LINGO1: variants seen among roughly 807,000 people sequenced by gnomAD.
LINGO1 encodes the protein leucine rich repeat and Ig domain containing 1, also known as leucine-rich repeat and immunoglobulin-like domain-containing nogo receptor-interacting protein 1.
LINGO1 carries 11 observed loss-of-function variants against 37.3 expected under a neutral mutation model. The ratio of observed to expected loss-of-function variants is 0.29; its 90% CI spans 0.19 to 0.49. The LOEUF (loss-of-function observed/expected upper bound fraction) is 0.49, where lower values mean the gene tolerates loss of function less well. Among genes scored for constraint, LINGO1 ranks in the 20% least tolerant of loss-of-function variants. LINGO1 has a pLI of 0.99. For synonymous variants in LINGO1, 387 were observed against 403.0 expected, an observed-to-expected ratio of 0.96 and a Z score of 0.48; for missense variants, 585 against 878.2, an observed-to-expected ratio of 0.67 and a Z score of 4.22.
intron 1 of LINGO1, among the ~76,000 whole-genome samples, chr15:77,784,071 A>T (rs1209712478): frequency 6.6e-6 from 1 of 152,236 alleles, no homozygotes; most frequent in Non-Finnish European, 1.5e-5. Context: ...CAGCTGCCCA[A>T]GCCTGGGACA....
rs1281125757 is a variant in LINGO1, at chr15:77,632,548, G to A, written c.-233C>T. The A allele has an allele frequency of 4.2e-6, 1 of 238,206 alleles. No homozygotes were observed. Among genetic ancestry groups the A allele is most frequent in the Non-Finnish European group, 7.8e-6 (1 of 127,842 alleles). The allele number at this position is 238,206 out of a possible 1,614,324, so 14.8% of individuals were successfully genotyped here. On this transcript the variant is annotated 5_prime_UTR_variant, in exon 1 of 2. Transcript: ENST00000355300. This position sits in a 1 kb window ranked among gnomAD's most constrained non-coding sequence, Gnocchi z 6.0. ...CTCGGGAGTGGGGAGGCGGGAGGCC[G>A]CGGCCCCGGCGGGCGGATGGGCGGG...
intron 3 of LINGO1, chr15:77,649,127 CAT>C (rs1338411330): frequency 6.6e-6 from 1 of 152,254 alleles, no homozygotes; most frequent in Non-Finnish European, 1.5e-5. Context: ...GTGGTAGTGA[CAT>C]AGGCTAGCAG....
At position 77,613,916 on chromosome 15, in the gene LINGO1, CG is replaced by C; in HGVS notation, c.*127del. The C allele has an allele frequency of 1.3e-6, 1 of 794,916 alleles. No homozygotes were observed. The highest frequency in any genetic ancestry group is 1.9e-6 in the Non-Finnish European group (1 of 514,632). The allele number at this position is 794,916 out of a possible 1,614,324, so 49.2% of individuals were successfully genotyped here. ...GGCGGGGGGCAGCAGGGGACGGAGGCGGGAGGGAGAAAGAGAACGTGTGTAG... is the reference window on the plus strand; with the variant it reads ...GGCGGGGGGCAGCAGGGGACGGAGGCGGAGGGAGAAAGAGAACGTGTGTAG... On this transcript the variant is annotated 3_prime_UTR_variant, in exon 2 of 2. Coordinates refer to ENST00000355300, the MANE Select transcript of LINGO1 (RefSeq NM_032808.7).
At chr15:77,769,356 G>A (rs2076561017) in intron 1 of LINGO1, among the ~76,000 whole-genome samples, 1 of 152,170 alleles carries the variant, frequency 6.6e-6, no homozygotes, top group Admixed American at 6.5e-5. Flanking sequence ...CCTACCCACA[G>A]TAATTAGCTT....
chr15:77,748,629 A>G (rs2076338526), intron 1 of LINGO1, among the ~76,000 whole-genome samples: 2 of 152,164 alleles, frequency 1.3e-5, no homozygotes, highest in African/African-American at 4.8e-5. Flanking sequence ...TTTCCTCCCC[A>G]CAACTCTGCT....
intron 1 of LINGO1, among the ~76,000 whole-genome samples, chr15:77,786,705 C>A (rs1446938342): frequency 6.6e-6 from 1 of 152,214 alleles, no homozygotes; most frequent in Non-Finnish European, 1.5e-5. Context: ...ACTACTGGGG[C>A]AGCCTGTACT....
At chr15:77,668,413 G>A (rs80090456) in intron 3 of LINGO1, among the ~76,000 whole-genome samples, 2 of 152,134 alleles carry the variant, frequency 1.3e-5, no homozygotes. Context: ...GACTTGCAAG[G>A]CTTCCAATCC....
intron 1 of LINGO1, among the ~76,000 whole-genome samples, chr15:77,762,096 A>G (rs982491602): frequency 2.0e-5 from 3 of 152,244 alleles, no homozygotes; most frequent in Non-Finnish European, 4.4e-5. Flanking sequence ...CTGCAGCCAG[A>G]ACAGCCTGAG....
intron 3 of LINGO1, among the ~76,000 whole-genome samples, chr15:77,646,851 C>T (rs556123223): frequency 2.0e-5 from 3 of 147,664 alleles, no homozygotes; most frequent in South Asian, 4.1e-4. Flanking sequence ...TCTATCAACC[C>T]TTTCCCCTGG....
At chr15:77,761,272 A>T (rs1318194186) in intron 1 of LINGO1, among the ~76,000 whole-genome samples, 1 of 152,040 alleles carries the variant, frequency 6.6e-6, no homozygotes, top group South Asian at 2.1e-4. Flanking sequence ...TAAACCAAAA[A>T]TTTGCTCCAG....
intron 2 of LINGO1, among the ~76,000 whole-genome samples, chr15:77,727,122 G>A (rs1223318788): frequency 6.6e-6 from 1 of 152,188 alleles, no homozygotes. Flanking sequence ...GAACTTTTGT[G>A]TATTGCTAGT....
At chr15:77,663,515 C>G (rs1399778269) in intron 3 of LINGO1, among the ~76,000 whole-genome samples, 2 of 152,126 alleles carry the variant, frequency 1.3e-5, no homozygotes, top group African/African-American at 4.8e-5. Context: ...TAGCTAAATC[C>G]CCACCCAAGA....
chr15:77,648,124 T>C (rs2074677662), intron 3 of LINGO1: 2 of 347,516 alleles, frequency 5.8e-6, no homozygotes, highest in Admixed American at 4.0e-5. Flanking sequence ...CTCAGGATCA[T>C]CATTAACCCC....
At chr15:77,619,639 ATTGTGCCACTGCATTCCAGCCTGGGC>A (rs2073855284) in intron 1 of LINGO1, among the ~76,000 whole-genome samples, 1 of 152,060 alleles carries the variant, frequency 6.6e-6, no homozygotes, top group Admixed American at 6.6e-5. Context: ...GTGAACTGTG[ATTGTGCCACTGCATTCCAGCCTGGGC>A]AACAGAGCAA....
At chr15:77,640,827 C>CTCATTCATTCATTCATTCAT (rs55914213) in intron 3 of LINGO1, among the ~76,000 whole-genome samples, 3 of 150,484 alleles carry the variant, frequency 2.0e-5, no homozygotes, top group Admixed American at 2.0e-4. Flanking sequence ...CATTCATCTC[C>CTCATTCATTCATTCATTCAT]TCATTCATTC....
intron 1 of LINGO1, among the ~76,000 whole-genome samples, chr15:77,751,105 A>G (rs1104991): frequency 0.57 from 86,291 of 152,078 alleles, 25,243 homozygotes; most frequent in African/African-American, 0.72. Flanking sequence ...GAGTGGGCAC[A>G]CCACCGTGAT....
upstream of LINGO1, among the ~76,000 whole-genome samples, chr15:77,699,667 T>A (rs2075750145): frequency 6.6e-6 from 1 of 151,572 alleles, no homozygotes; most frequent in Non-Finnish European, 1.5e-5. Context: ...AGTAAGCACA[T>A]ACTAACCATC....
At chr15:77,762,728 A>G (rs1214681557) in intron 1 of LINGO1, among the ~76,000 whole-genome samples, 1 of 152,072 alleles carries the variant, frequency 6.6e-6, no homozygotes, top group African/African-American at 2.4e-5. Context: ...CTCAGTCCAC[A>G]GATCACCTCC....
At chr15:77,679,204 A>G (rs890316946) in intron 2 of LINGO1, among the ~76,000 whole-genome samples, 18 of 152,212 alleles carry the variant, frequency 1.2e-4, no homozygotes, top group Non-Finnish European at 2.5e-4. Context: ...CTCGGCCTGC[A>G]TTGTGGTTTT....
Sources: allele counts gnomAD v4.1 joint callset (sites outside exome capture counted in the v4.1 genomes callset), GRCh38; gene constraint gnomAD v4.1.1; non-coding constraint Gnocchi (gnomAD v3.1); transcripts MANE v1.5; gene names NCBI Gene and HGNC (gene_info 2026-07-23, HGNC 2026-07-21).